CSMD1: variants seen among roughly 807,000 people sequenced by gnomAD.
The protein encoded by CSMD1 is CUB and sushi domain-containing protein 1.
CSMD1 carries 213 observed loss-of-function variants against 417.5 expected under a neutral mutation model. The ratio of observed to expected loss-of-function variants is 0.51; its 90% CI spans 0.46 to 0.57. The LOEUF (loss-of-function observed/expected upper bound fraction) is 0.57, where lower values mean the gene tolerates loss of function less well. CSMD1 is among the 20% of genes least tolerant of loss of function. The pLI, the probability that CSMD1 is intolerant of heterozygous loss-of-function variation, is 0.00. For synonymous variants in CSMD1, 2,862 were observed against 1,736.8 expected (o/e 1.65, Z -16.11); for missense variants, 6,923 against 4,529.7 (o/e 1.53, Z -15.17).
chr8:3,565,656 C>G (rs931579944), intron 10 of CSMD1, among the ~76,000 whole-genome samples: 1 of 152,184 alleles, frequency 6.6e-6, no homozygotes, highest in Non-Finnish European at 1.5e-5. Flanking sequence ...AAAGCTCCTT[C>G]CCTAAAACAG....
chr8:4,610,970 T>C (rs949720528), intron 2 of CSMD1, among the ~76,000 whole-genome samples: 1 of 152,236 alleles, frequency 6.6e-6, no homozygotes, highest in East Asian at 1.9e-4. Context: ...TAAAACTTAG[T>C]ATCTGCATCC....
In CSMD1 at chr8:4,744,923, A is replaced by G. The variant is rs189000955; in HGVS notation, c.86-107365T>C. On this transcript the variant is annotated intron_variant, in intron 1 of 69. Transcript: ENST00000635120. The stretch of plus-strand genomic sequence containing the variant: ...AATGGCTCAGTATGTATAAAAATCC[A>G]AATCAACATTTTAAAAAATAGTTCT... Among the ~76,000 whole-genome samples, 1,056 of 152,326 alleles carry G rather than the reference A, an allele frequency of 6.9e-3. 7 individuals carry two copies. Among genetic ancestry groups the G allele is most frequent in the Non-Finnish European group, 9.3e-3 (631 of 68,020 alleles).
intron 3 of CSMD1, among the ~76,000 whole-genome samples, chr8:4,278,634 C>T (rs573456782): frequency 9.9e-5 from 15 of 152,188 alleles, no homozygotes; most frequent in East Asian, 3.9e-4. Context: ...ATTTTAGCTA[C>T]GAATTCAACA....
rs77593365 is a variant in CSMD1, at chr8:4,132,397, G to C, written c.416-100298C>G. ...GACTTTGTGCCTATTCTCTAGTATG[G>C]TGTCTGAAAATGATGTTTACCCATA... On this transcript the variant is annotated intron_variant, in intron 3 of 69. Coordinates refer to ENST00000635120, the MANE Select transcript of CSMD1 (RefSeq NM_033225.6). Among the ~76,000 whole-genome samples the C allele has an allele frequency of 3.3e-3, 506 of 152,060 alleles. 2 individuals carry two copies. Among genetic ancestry groups the C allele is most frequent in the Non-Finnish European group, 4.9e-3 (331 of 67,988 alleles).
At chr8:4,864,996 T>C (rs968667320) in intron 1 of CSMD1, among the ~76,000 whole-genome samples, 1 of 151,342 alleles carries the variant, frequency 6.6e-6, no homozygotes, top group African/African-American at 2.4e-5. Flanking sequence ...GAAAATTTAG[T>C]CTGATTTTTT....
intron 5 of CSMD1, among the ~76,000 whole-genome samples, chr8:3,895,425 C>T (rs538957798): frequency 6.6e-6 from 1 of 151,950 alleles, no homozygotes; most frequent in African/African-American, 2.4e-5. Context: ...GCCCTATTAA[C>T]ACAACAGTGT....
In CSMD1 at chr8:3,828,647, T is replaced by C. The variant is rs561275027; in HGVS notation, c.819-74605A>G. ...ATCCCAGTCATCGTCACACCTATTT[T>C]AATCCAAGCCATCGTCATCTTTCTA... is the stretch of plus-strand genomic sequence containing the variant. On this transcript the variant is annotated intron_variant, in intron 5 of 69. Transcript: ENST00000635120. Among the ~76,000 whole-genome samples the C allele has an allele frequency of 2.0e-5, 3 of 152,276 alleles. No homozygotes were observed. In the South Asian group the frequency reaches 6.2e-4, roughly 32 times the overall value.
intron 2 of CSMD1, among the ~76,000 whole-genome samples, chr8:4,497,504 T>C (rs547280646): frequency 1.3e-5 from 2 of 152,338 alleles, no homozygotes; most frequent in South Asian, 4.1e-4. Flanking sequence ...TTTAGTCTCC[T>C]TTCCCAAATC....
intron 5 of CSMD1, among the ~76,000 whole-genome samples, chr8:3,983,425 C>A (rs139988547): frequency 6.6e-6 from 1 of 151,948 alleles, no homozygotes; most frequent in African/African-American, 2.4e-5. Context: ...CCACCGCGCC[C>A]GGCCGCAGCC....
chr8:4,092,863 G>A (rs180859017), intron 3 of CSMD1, among the ~76,000 whole-genome samples: 57 of 152,112 alleles, frequency 3.7e-4, no homozygotes, highest in Non-Finnish European at 3.7e-4. Flanking sequence ...ATCATTATAA[G>A]TAGAATTTAA....
chr8:4,166,695 T>G (rs1797477467), intron 3 of CSMD1, among the ~76,000 whole-genome samples: 2 of 151,992 alleles, frequency 1.3e-5, no homozygotes, highest in South Asian at 2.1e-4. Flanking sequence ...ATCAAGAAAA[T>G]CAGCTCTAAA....
At chr8:3,509,461 T>C (rs1403606558) in intron 10 of CSMD1, among the ~76,000 whole-genome samples, 1 of 152,238 alleles carries the variant, frequency 6.6e-6, no homozygotes, top group Non-Finnish European at 1.5e-5. Context: ...GCAAGGAGTC[T>C]TGCACAAGTC....
chr8:3,809,733 G>C (rs780729848), intron 5 of CSMD1, among the ~76,000 whole-genome samples: 6 of 152,144 alleles, frequency 3.9e-5, no homozygotes, highest in Non-Finnish European at 2.9e-5. Flanking sequence ...CTTCAAGGAA[G>C]GTTTTCCTAA....
chr8:4,268,810 G>A (rs376746721), intron 3 of CSMD1, among the ~76,000 whole-genome samples: 1 of 151,546 alleles, frequency 6.6e-6, no homozygotes, highest in Non-Finnish European at 1.5e-5. Flanking sequence ...ATTATAAAAT[G>A]GTTAATAGCC....
At chr8:4,119,082 GA>G (rs1417219440) in intron 3 of CSMD1, among the ~76,000 whole-genome samples, 2 of 151,866 alleles carry the variant, frequency 1.3e-5, no homozygotes, top group Admixed American at 1.3e-4. Flanking sequence ...CACACACAGG[GA>G]CCTGTCAGTG....
At chr8:4,866,043 C>T (rs1802404404) in intron 1 of CSMD1, among the ~76,000 whole-genome samples, 1 of 151,906 alleles carries the variant, frequency 6.6e-6, no homozygotes, top group Non-Finnish European at 1.5e-5. Context: ...TTAAGTCTCT[C>T]AGTTTTTGAC....
chr8:4,222,377 CTTCCATCTTATTCTGTAAACAGAATAAG>C (rs1378305805), intron 3 of CSMD1, among the ~76,000 whole-genome samples: 4 of 424 alleles, frequency 9.4e-3, no homozygotes, highest in Admixed American at 0.042. Context: ...GAATAAGAAG[CTTCCATCTTATTCTGTAAACAGAATAAG>C]AAGCTTCCAT....
At chr8:4,593,422 T>C (rs779923992) in intron 2 of CSMD1, among the ~76,000 whole-genome samples, 12 of 152,206 alleles carry the variant, frequency 7.9e-5, no homozygotes, top group Non-Finnish European at 1.5e-4. Flanking sequence ...AATGTTTCAT[T>C]CCAACTGAAA....
chr8:4,695,971 C>T (rs936979790), intron 1 of CSMD1, among the ~76,000 whole-genome samples: 10 of 152,068 alleles, frequency 6.6e-5, no homozygotes, highest in Non-Finnish European at 1.2e-4. Flanking sequence ...ACTTGGGTTC[C>T]GGAGGGAGAA....
Sources: gnomAD v4.1 joint callset for allele counts (sites outside exome capture counted in the v4.1 genomes callset) on GRCh38, gnomAD v4.1.1 for gene constraint, MANE v1.5 for transcripts, NCBI Gene and HGNC (gene_info 2026-07-23, HGNC 2026-07-21) for gene names.